The following LRRC7 variants were observed in gnomAD, a reference collection of about 807,000 sequenced individuals.
LRRC7 encodes leucine-rich repeat-containing protein 7.
In LRRC7, 23 loss-of-function variants were observed where a neutral mutation model predicts 175.7. The ratio of observed to expected loss-of-function variants is 0.13; its 90% CI spans 0.09 to 0.19. The LOEUF (loss-of-function observed/expected upper bound fraction) is 0.19. LRRC7 is among the 10% of genes least tolerant of loss of function. The probability of loss-of-function intolerance (pLI) is 1.00; values close to 1 mark genes in which losing one functional copy is unlikely to be tolerated. For synonymous variants in LRRC7, 685 were observed against 680.9 expected (o/e 1.01, Z -0.09); for missense variants, 1,354 against 1,904.7 (o/e 0.71, Z 5.38).
Position 70,142,256 on chromosome 1 carries a change from C to T in LRRC7, c.*20369C>T, listed in dbSNP as rs1369713284. 2 of 152,082 alleles carry T rather than the reference C, an allele frequency of 1.3e-5. No individual in the cohort carries two copies. Among genetic ancestry groups the T allele is most frequent in the African/African-American group, 2.4e-5 (1 of 41,424 alleles). The allele number at this position is 152,082 out of a possible 1,614,324, so 9.4% of individuals were successfully genotyped here. On this transcript the variant is annotated 3_prime_UTR_variant, in exon 27 of 27. Coordinates refer to ENST00000651989, the MANE Select transcript of LRRC7 (RefSeq NM_001370785.2). ...TGTGGAAAAGGCATCTGGTTCAGGT[C>T]AGTAAGGACTGTTGTATGTAAGTTT...
At chr1:69,974,703 C>T (rs1652630124) in intron 8 of LRRC7, among the ~76,000 whole-genome samples, 1 of 152,130 alleles carries the variant, frequency 6.6e-6, no homozygotes, top group African/African-American at 2.4e-5. Context: ...TTCAGAAAGG[C>T]CATGGATCTG....
In LRRC7 at chr1:69,934,553, C is replaced by T. The variant is rs531522480; in HGVS notation, c.711+2983C>T. On this transcript the variant is annotated intron_variant, in intron 8 of 26. Coordinates refer to ENST00000651989, the MANE Select transcript of LRRC7 (RefSeq NM_001370785.2). ...TTCTTTCATGAATTGTTTTGCTCAA[C>T]ATAAGATGAATAAATGTTCATTTTT... 1.8e-4 allele frequency among the ~76,000 whole-genome samples: 27 copies of T among 147,052 alleles called. 1 individual carries two copies. The South Asian group carries it at 4.0e-3, about 22-fold the overall frequency.
chr1:69,967,425 C>G (rs1329306472), intron 8 of LRRC7, among the ~76,000 whole-genome samples: 1 of 152,170 alleles, frequency 6.6e-6, no homozygotes, highest in Non-Finnish European at 1.5e-5. Flanking sequence ...CCACCCACCA[C>G]CTGTTTCTCC....
intron 3 of LRRC7, among the ~76,000 whole-genome samples, chr1:69,780,408 G>A (rs571721903): frequency 3.7e-4 from 57 of 152,166 alleles, no homozygotes; most frequent in African/African-American, 1.4e-3. Flanking sequence ...TTTGAATCCT[G>A]GCACTGTGCC....
rs141748210 is a variant in LRRC7 at position 69,696,779 on chromosome 1, G to A, written c.100+18301G>A. ...AAATCACTCTCTCTTGCTTCCACTC[G>A]TCATGTGATATGCTAGTTCTCATGT... On this transcript the variant is annotated intron_variant, in intron 2 of 26. Transcript: ENST00000651989. 6.8e-4 allele frequency among the ~76,000 whole-genome samples: 103 copies of A among 152,246 alleles called. 1 individual carries two copies. The highest frequency in any genetic ancestry group is 6.8e-3 in the Middle Eastern group (2 of 294).
intron 7 of LRRC7, among the ~76,000 whole-genome samples, chr1:69,889,726 G>A (rs776465426): frequency 6.9e-6 from 1 of 144,584 alleles, no homozygotes; most frequent in Non-Finnish European, 1.5e-5. Context: ...AGGATCACTT[G>A]AGCCTGGCTG....
intron 1 of LRRC7, among the ~76,000 whole-genome samples, chr1:69,659,356 A>T (rs371294609): frequency 4.6e-5 from 7 of 152,014 alleles, no homozygotes; most frequent in Admixed American, 3.3e-4. Context: ...GGAAAAAAAA[A>T]ATATTCAAAG....
rs1486510325 is a variant in LRRC7, at chr1:70,107,779, G to T, written c.4573G>T (p.Asp1525Tyr). The T allele has an allele frequency of 1.2e-6, 2 of 1,613,370 alleles. No individual in the cohort carries two copies. Among genetic ancestry groups the T allele is most frequent in the Non-Finnish European group, 1.7e-6 (2 of 1,179,480 alleles). Residue 1525 changes from aspartate (D) to tyrosine (Y), a missense_variant, in exon 26 of 27, where the codon GAT (aspartate) becomes TAT (tyrosine). Around this residue, in one of 4 missense-constraint regions of LRRC7, gnomAD observed 53 missense variants for 112.6 expected, o/e 0.47. Coordinates refer to ENST00000651989, the MANE Select transcript of LRRC7 (RefSeq NM_001370785.2). The part of the protein sequence containing the change: ...KGIFVTRVQP[D>Y]GPASNLLQPG... ...TATCTTTGTTACTAGGGTTCAGCCT[G>T]ATGGGCCAGCATCAAACCTACTGCA...
intron 1 of LRRC7, among the ~76,000 whole-genome samples, chr1:69,648,156 A>AAC (rs1282182415): frequency 1.3e-5 from 2 of 152,174 alleles, no homozygotes; most frequent in African/African-American, 4.8e-5. Flanking sequence ...CATGGAACGT[A>AAC]ACCTTTAAGA....
chr1:69,649,258 C>T (rs1655433048), intron 1 of LRRC7, among the ~76,000 whole-genome samples: 1 of 152,184 alleles, frequency 6.6e-6, no homozygotes, highest in Non-Finnish European at 1.5e-5. Context: ...TTATTTACTT[C>T]ATAAAGTACC....
chr1:69,700,936 G>C (rs1185753244), intron 2 of LRRC7, among the ~76,000 whole-genome samples: 1 of 152,168 alleles, frequency 6.6e-6, no homozygotes, highest in African/African-American at 2.4e-5. Flanking sequence ...CCCGTCAGTA[G>C]TCCACTGTAG....
At chr1:69,970,882 G>T (rs542028426) in intron 8 of LRRC7, among the ~76,000 whole-genome samples, 1 of 151,902 alleles carries the variant, frequency 6.6e-6, no homozygotes, top group Admixed American at 6.6e-5. Context: ...AATCCTTAAC[G>T]TAATACTAGC....
chr1:70,081,781 A>C (rs898971382), intron 24 of LRRC7, among the ~76,000 whole-genome samples: 5 of 152,158 alleles, frequency 3.3e-5, no homozygotes, highest in Admixed American at 6.5e-5. Context: ...TAACATATCA[A>C]AATGGCAGGA....
At chr1:69,919,507 G>A (rs1042438825) in intron 7 of LRRC7, 128 of 855,276 alleles carry the variant, frequency 1.5e-4, no homozygotes, top group Non-Finnish European at 2.4e-4. Context: ...CTGGCAGGGG[G>A]AGCCCGCCAG....
chr1:70,016,535 G>T lies in LRRC7; in HGVS notation c.1320+1G>T. The stretch of plus-strand genomic sequence containing the variant: ...AGCTTTGTGGCTTTCTGACAATCAG[G>T]TAAAAGGTTTTATTGCCTGATTTAT... On this transcript the variant is annotated splice_donor_variant, in intron 14 of 26. Transcript: ENST00000651989. LOFTEE classifies it high-confidence loss of function. 1 of 1,558,374 alleles carries T rather than the reference G, an allele frequency of 6.4e-7. No individual in the cohort carries two copies.
intron 1 of LRRC7, among the ~76,000 whole-genome samples, chr1:69,582,768 T>A (rs1425029066): frequency 6.6e-6 from 1 of 152,188 alleles, no homozygotes; most frequent in Admixed American, 6.6e-5. Context: ...CAGTAATGGA[T>A]ATCCACCAAC....
intron 1 of LRRC7, among the ~76,000 whole-genome samples, chr1:69,617,716 T>A (rs1230912367): frequency 6.6e-6 from 1 of 152,074 alleles, no homozygotes; most frequent in East Asian, 1.9e-4. Context: ...TCTTCCTAAC[T>A]TCATGTATCT....
At chr1:70,111,220 ATTCT>A (rs1271828843) in intron 26 of LRRC7, among the ~76,000 whole-genome samples, 2 of 152,194 alleles carry the variant, frequency 1.3e-5, no homozygotes, top group Non-Finnish European at 2.9e-5. Flanking sequence ...TTTCTCTATA[ATTCT>A]TTATACCATC....
chr1:69,605,765 A>T (rs1446596847), intron 1 of LRRC7, among the ~76,000 whole-genome samples: 1 of 152,162 alleles, frequency 6.6e-6, no homozygotes, highest in Non-Finnish European at 1.5e-5. Flanking sequence ...CATATGCTAC[A>T]GAAAACACAC....
Sources: gnomAD v4.1 joint callset for allele counts (sites outside exome capture counted in the v4.1 genomes callset) on GRCh38, gnomAD v4.1.1 for gene constraint, gnomAD v4.1.1 regional missense constraint, MANE v1.5 for transcripts, NCBI Gene and HGNC (gene_info 2026-07-23, HGNC 2026-07-21) for gene names.